The following PEX14 variants were observed in gnomAD, a reference collection of about 807,000 sequenced individuals.
PEX14 encodes peroxisomal biogenesis factor 14.
Under a neutral mutation model 49.5 loss-of-function variants are expected in PEX14, and 15 were observed. The observed-to-expected ratio is 0.30, with a 90% CI of 0.20 to 0.47. PEX14 has a LOEUF of 0.47. PEX14 is among the 20% of genes least tolerant of loss of function. The pLI, the probability that PEX14 is intolerant of heterozygous loss-of-function variation, is 1.00. For synonymous variants in PEX14, 210 were observed against 212.7 expected, an observed-to-expected ratio of 0.99 and a Z score of 0.11; for missense variants, 398 against 494.8, an observed-to-expected ratio of 0.80 and a Z score of 1.86.
intron 5 of PEX14, among the ~76,000 whole-genome samples, chr1:10,621,342 CTTTTTTTTTTTTTT>C (rs930417764): frequency 9.3e-6 from 1 of 108,028 alleles, no homozygotes; most frequent in Non-Finnish European, 1.9e-5. Flanking sequence ...TATATGAATT[CTTTTTTTTTTTTTT>C]TTTTTTTTGA....
At chr1:10,516,858 G>A (rs1002031703) in intron 2 of PEX14, among the ~76,000 whole-genome samples, 4 of 152,188 alleles carry the variant, frequency 2.6e-5, no homozygotes, top group Admixed American at 6.5e-5. Flanking sequence ...CCGAGGTCAC[G>A]GGCTGTCCTT....
intron 1 of PEX14, among the ~76,000 whole-genome samples, chr1:10,488,518 G>A (rs1431071687): frequency 1.3e-5 from 2 of 148,640 alleles, no homozygotes; most frequent in African/African-American, 5.0e-5. Context: ...CTTTTTTTTT[G>A]AGACGGAATG....
chr1:10,618,454 T>C (rs1220918767), intron 5 of PEX14, 37 bp downstream of exon 5: 1 of 1,481,712 alleles, frequency 6.7e-7, no homozygotes, highest in Admixed American at 1.7e-5. Flanking sequence ...GCTGTGCCCC[T>C]GCCACCCTGT....
At chr1:10,598,367 T>G (rs1285436462) in intron 3 of PEX14, among the ~76,000 whole-genome samples, 1 of 152,176 alleles carries the variant, frequency 6.6e-6, no homozygotes, top group Non-Finnish European at 1.5e-5. Flanking sequence ...CTCCCAAGAG[T>G]CAGTGTCCCA....
At chr1:10,524,895 T>G (rs1462654404) in intron 2 of PEX14, among the ~76,000 whole-genome samples, 1 of 152,246 alleles carries the variant, frequency 6.6e-6, no homozygotes, top group Non-Finnish European at 1.5e-5. Flanking sequence ...CTCGTTATGT[T>G]GCCCAGGCTG....
chr1:10,475,115 G>C, intron 1 of PEX14, 113 bp downstream of exon 1: 1 of 1,011,902 alleles, frequency 9.9e-7, no homozygotes, highest in Non-Finnish European at 1.5e-6. Flanking sequence ...TGGGGACCCC[G>C]ACCTCTTGCC....
At chr1:10,499,541 C>T (rs585406) in intron 2 of PEX14, among the ~76,000 whole-genome samples, 65,135 of 149,768 alleles carry the variant, frequency 0.43, 14,863 homozygotes, top group Non-Finnish European at 0.51. Flanking sequence ...CTCCACCTCC[C>T]GGGTTCAAGC....
At chr1:10,582,557 C>T (rs1436480884) in intron 3 of PEX14, among the ~76,000 whole-genome samples, 1 of 152,090 alleles carries the variant, frequency 6.6e-6, no homozygotes, top group African/African-American at 2.4e-5. Flanking sequence ...TAACCCGGAA[C>T]AACTGACAAG....
At chr1:10,553,931 C>T (rs992472730) in intron 3 of PEX14, among the ~76,000 whole-genome samples, 5 of 152,042 alleles carry the variant, frequency 3.3e-5, no homozygotes, top group Non-Finnish European at 5.9e-5. Context: ...GCATGCACCT[C>T]GGTTTTCTGG....
Position 10,599,236 on chromosome 1 carries a change from A to T in PEX14, c.170-2A>T, listed in dbSNP as rs752193012. 6.2e-7 allele frequency: 1 copy of T among 1,614,116 alleles called. No individual in the cohort carries two copies. Among genetic ancestry groups the T allele is most frequent in the Non-Finnish European group, 8.5e-7 (1 of 1,179,936 alleles). ...CCTGCAATGATGTCCTCTTCTCCCC[A>T]GGGCTGACAGATGAAGAGATTGATA... On this transcript the variant is annotated splice_acceptor_variant, in intron 3 of 8. Coordinates refer to ENST00000356607, the MANE Select transcript of PEX14 (RefSeq NM_004565.3). LOFTEE classifies it high-confidence loss of function.
At position 10,474,987 on chromosome 1, in the gene PEX14, A is replaced by C. The variant is rs398124174; in HGVS notation, c.21A>C (p.Ala7=). The C allele has an allele frequency of 1.9e-6, 3 of 1,609,774 alleles. No homozygotes were observed. Among genetic ancestry groups the C allele is most frequent in the Non-Finnish European group, 2.5e-6 (3 of 1,178,516 alleles). The change falls in exon 1 of 9, where the codon GCA becomes GCC. Residue 7 remains alanine, a synonymous_variant. Transcript: ENST00000356607. MASSEQ[A]EQPSQPSSTP... Reference sequence around the variant, plus strand: ...GAAAGATGGCGTCCTCGGAGCAGGCAGAGCAGCCGAGCCAGGTAAGGGGAG... The same window carrying C: ...GAAAGATGGCGTCCTCGGAGCAGGCCGAGCAGCCGAGCCAGGTAAGGGGAG...
intron 2 of PEX14, among the ~76,000 whole-genome samples, chr1:10,533,454 G>A (rs1409325179): frequency 6.6e-6 from 1 of 152,144 alleles, no homozygotes; most frequent in Non-Finnish European, 1.5e-5. Context: ...AAATAAATAC[G>A]TCAATTTCAT....
chr1:10,607,749 G>A (rs1460712313), intron 4 of PEX14, among the ~76,000 whole-genome samples: 2 of 152,040 alleles, frequency 1.3e-5, no homozygotes, highest in African/African-American at 4.8e-5. Flanking sequence ...AGTTGAATGA[G>A]GTTTTTAATG....
rs1431492438 is a variant in PEX14 at position 10,623,587 on chromosome 1, G to A, written c.487+466G>A. Among the ~76,000 whole-genome samples, 3 of 152,100 alleles carry A rather than the reference G, an allele frequency of 2.0e-5. No homozygotes were observed. Among genetic ancestry groups the A allele is most frequent in the Non-Finnish European group, 2.9e-5 (2 of 68,016 alleles). Reference sequence around the variant, plus strand: ...CGCGTTCATTACCCAGTGCCCCAGCGATGGCCCAGATTAGCTGGGACCTGT... The same window carrying A: ...CGCGTTCATTACCCAGTGCCCCAGCAATGGCCCAGATTAGCTGGGACCTGT... On this transcript the variant is annotated intron_variant, in intron 6 of 8. Coordinates refer to ENST00000356607, the MANE Select transcript of PEX14 (RefSeq NM_004565.3). This position sits in a 1 kb window ranked among gnomAD's most constrained non-coding sequence, Gnocchi z 4.4.
Position 10,494,528 on chromosome 1 carries a change from G to T in PEX14, c.37-746G>T, listed in dbSNP as rs1446572985. On this transcript the variant is annotated intron_variant, in intron 1 of 8. Coordinates refer to ENST00000356607, the MANE Select transcript of PEX14 (RefSeq NM_004565.3). The surrounding 1 kb of genome is among the most constrained non-coding windows in gnomAD (Gnocchi z 4.3). ...TCTCCCTTTCTCTAAATTTTGGCCA[G>T]ATCAGTCAAGGGTCGAAGGCGCCTG... Among the ~76,000 whole-genome samples the T allele has an allele frequency of 1.3e-5, 2 of 152,166 alleles. No individual in the cohort carries two copies. The highest frequency in any genetic ancestry group is 4.8e-5 in the African/African-American group (2 of 41,436).
At position 10,624,332 on chromosome 1, in the gene PEX14, C is replaced by T. The variant is rs1641682613; in HGVS notation, c.488-8C>T. On this transcript the variant is annotated splice_polypyrimidine_tract_variant and splice_region_variant and intron_variant, in intron 6 of 8. Transcript: ENST00000356607. ...TTTGCCAGCGCCGTGACTGCTTTCT[C>T]CTCGCAGTGACTCAGTTACAGACGA... is the stretch of plus-strand genomic sequence containing the variant. The T allele has an allele frequency of 6.3e-7, 1 of 1,594,264 alleles. No homozygotes were observed. Among genetic ancestry groups the T allele is most frequent in the African/African-American group, 1.3e-5 (1 of 74,484 alleles).
intron 4 of PEX14, among the ~76,000 whole-genome samples, chr1:10,617,697 C>T (rs1264046697): frequency 6.6e-6 from 1 of 152,190 alleles, no homozygotes; most frequent in Non-Finnish European, 1.5e-5. Context: ...ACCCCAGCCC[C>T]TCTCCCCTGC....
At chr1:10,524,632 C>T (rs1407875740) in intron 2 of PEX14, 1 of 152,566 alleles carries the variant, frequency 6.6e-6, no homozygotes, top group Non-Finnish European at 1.5e-5. Context: ...CACAGTGACT[C>T]TTGGCCAAGA....
intron 3 of PEX14, among the ~76,000 whole-genome samples, chr1:10,586,486 G>T (rs1022660727): frequency 2.0e-5 from 3 of 152,000 alleles, no homozygotes; most frequent in African/African-American, 7.3e-5. Context: ...GTTGATAGCA[G>T]CATTATTCAT....
Sources: allele counts gnomAD v4.1 joint callset (sites outside exome capture counted in the v4.1 genomes callset), GRCh38; gene constraint gnomAD v4.1.1; non-coding constraint Gnocchi (gnomAD v3.1); transcripts MANE v1.5; gene names NCBI Gene and HGNC (gene_info 2026-07-23, HGNC 2026-07-21).